Variants in ANO3 observed in about 807,000 individuals in gnomAD.
ANO3 encodes anoctamin-3.
A neutral mutation model predicts 144.8 loss-of-function variants in ANO3; 99 were observed. That is an observed-to-expected ratio of 0.68 (90% CI 0.58 to 0.81). The LOEUF is 0.81. ANO3 is among the 30% of genes least tolerant of loss of function. The probability of loss-of-function intolerance (pLI) is 0.00; values close to 1 mark genes in which losing one functional copy is unlikely to be tolerated. For synonymous variants in ANO3, 414 were observed against 392.6 expected, an observed-to-expected ratio of 1.05 and a Z score of -0.64; for missense variants, 905 against 1,202.2, an observed-to-expected ratio of 0.75 and a Z score of 3.66.
chr11:26,661,751 C>T lies in ANO3; in HGVS notation c.*1307C>T, dbSNP rs183668581. On this transcript the variant is annotated 3_prime_UTR_variant, in exon 27 of 27. Coordinates refer to ENST00000256737, the MANE Select transcript of ANO3 (RefSeq NM_031418.4). ...TTCTATTTCAACGTCAACTCTGTAT[C>T]TATGAGTATGTCTGTTCCACAGACA... is the stretch of plus-strand genomic sequence containing the variant. 7.9e-5 allele frequency: 12 copies of T among 152,082 alleles called. No individual in the cohort carries two copies. In the East Asian group the frequency reaches 2.3e-3, roughly 29 times the overall value. The allele number at this position is 152,082 out of a possible 1,614,324, so 9.4% of individuals were successfully genotyped here. A position where few individuals can be genotyped will look rare whatever the true frequency, so the allele number is the denominator to read the frequency against.
At chr11:26,549,681 T>C (rs1849881049) in intron 12 of ANO3, among the ~76,000 whole-genome samples, 1 of 151,942 alleles carries the variant, frequency 6.6e-6, no homozygotes, top group African/African-American at 2.4e-5. Context: ...TTTACATGTA[T>C]ACACTGGTCT....
chr11:26,455,670 G>A (rs1590375546), intron 3 of ANO3, among the ~76,000 whole-genome samples: 1 of 152,064 alleles, frequency 6.6e-6, no homozygotes, highest in South Asian at 2.1e-4. Flanking sequence ...TAGATTCAAT[G>A]CCATCCCCGT....
intron 1 of ANO3, among the ~76,000 whole-genome samples, chr11:26,334,369 A>G (rs2133891656): frequency 6.6e-6 from 1 of 152,376 alleles, no homozygotes; most frequent in East Asian, 1.9e-4. Context: ...TTCTTCAAAT[A>G]GGAAGAAGCA....
rs563459841 is a variant in ANO3, at chr11:26,655,675, T to A, written c.2577-450T>A. 2.4e-4 allele frequency among the ~76,000 whole-genome samples: 37 copies of A among 152,300 alleles called. No homozygotes were observed. In the South Asian group the frequency reaches 7.5e-3, roughly 31 times the overall value. On this transcript the variant is annotated intron_variant, in intron 24 of 26. Transcript: ENST00000256737. ...TGCCTGTTTTGTTCACTGTTAAGTATCAAGCATCGATAATTTTTCCAGCAA... is the reference window on the plus strand; with the variant it reads ...TGCCTGTTTTGTTCACTGTTAAGTAACAAGCATCGATAATTTTTCCAGCAA...
At chr11:26,271,343 T>A (rs2133836345) in intron 1 of ANO3, among the ~76,000 whole-genome samples, 1 of 152,342 alleles carries the variant, frequency 6.6e-6, no homozygotes, top group Admixed American at 6.5e-5. Flanking sequence ...TGCTGGCACA[T>A]GGCTGAAAGC....
intron 14 of ANO3, among the ~76,000 whole-genome samples, chr11:26,594,467 A>G (rs1054782373): frequency 6.6e-6 from 1 of 152,164 alleles, no homozygotes; most frequent in Non-Finnish European, 1.5e-5. Flanking sequence ...TAAAACATCA[A>G]TATAGCCATC....
At chr11:26,431,187 G>A (rs10767529) in intron 1 of ANO3, among the ~76,000 whole-genome samples, 98,245 of 152,138 alleles carry the variant, frequency 0.65, 34,007 homozygotes, top group Admixed American at 0.79. Flanking sequence ...ATTGTACTGG[G>A]CAGTATAGTG....
chr11:26,509,460 C>T (rs948585400), intron 5 of ANO3, among the ~76,000 whole-genome samples: 2 of 151,906 alleles, frequency 1.3e-5, no homozygotes, highest in African/African-American at 2.4e-5. Context: ...TTACAGGAAC[C>T]GATCACCGTG....
intron 1 of ANO3, among the ~76,000 whole-genome samples, chr11:26,431,256 T>G (rs918140456): frequency 6.6e-6 from 1 of 152,240 alleles, no homozygotes; most frequent in Non-Finnish European, 1.5e-5. Context: ...TGTAGAACTT[T>G]GAAGCCTAAA....
At chr11:26,474,794 A>G (rs563135870) in intron 4 of ANO3, among the ~76,000 whole-genome samples, 1 of 151,978 alleles carries the variant, frequency 6.6e-6, no homozygotes, top group Non-Finnish European at 1.5e-5. Context: ...AGCATAGATA[A>G]TCACTGATAT....
At chr11:26,490,412 C>T (rs1860657977) in intron 4 of ANO3, among the ~76,000 whole-genome samples, 1 of 152,140 alleles carries the variant, frequency 6.6e-6, no homozygotes, top group African/African-American at 2.4e-5. Flanking sequence ...TTATTATAAA[C>T]TCTAGATACC....
intron 1 of ANO3, among the ~76,000 whole-genome samples, chr11:26,378,336 A>G (rs1856471499): frequency 1.3e-5 from 2 of 148,414 alleles, no homozygotes; most frequent in African/African-American, 2.4e-5. Flanking sequence ...TATATTAACT[A>G]TAGATTATAT....
At chr11:26,384,706 A>G (rs182480027) in intron 1 of ANO3, among the ~76,000 whole-genome samples, 311 of 152,152 alleles carry the variant, frequency 2.0e-3, no homozygotes, top group African/African-American at 7.2e-3. Flanking sequence ...AGCCACCACA[A>G]TTTTCACCTA....
At chr11:26,522,044 G>T (rs1862100067) in intron 6 of ANO3, among the ~76,000 whole-genome samples, 1 of 151,840 alleles carries the variant, frequency 6.6e-6, no homozygotes, top group African/African-American at 2.4e-5. Flanking sequence ...ATTAGCCGGG[G>T]GTAGTGGCGG....
intron 17 of ANO3, among the ~76,000 whole-genome samples, chr11:26,600,302 C>CCATCT: frequency 1.6e-5 from 1 of 63,182 alleles, no homozygotes; most frequent in Non-Finnish European, 3.3e-5. Context: ...CCCTTTCCTC[C>CCATCT]CCTCTCCTCT....
chr11:26,369,283 T>TA (rs1206648865), intron 1 of ANO3, among the ~76,000 whole-genome samples: 1 of 152,116 alleles, frequency 6.6e-6, no homozygotes, highest in African/African-American at 2.4e-5. Flanking sequence ...TAGGAACTCT[T>TA]TCAAAATCAA....
chr11:26,560,210 T>TA (rs541613655), intron 14 of ANO3: 28 of 157,826 alleles, frequency 1.8e-4, no homozygotes, highest in South Asian at 1.5e-3. Context: ...GATTGAGCAA[T>TA]AATGTCTAAT....
intron 1 of ANO3, 41 bp downstream of exon 1, chr11:26,332,362 T>G (rs772408350): frequency 6.2e-7 from 1 of 1,601,208 alleles, no homozygotes; most frequent in Non-Finnish European, 8.6e-7. Context: ...CGGGCGTCAC[T>G]TCCCCCCTGC....
At chr11:26,217,325 T>A (rs947475091) in intron 1 of ANO3, among the ~76,000 whole-genome samples, 1 of 151,900 alleles carries the variant, frequency 6.6e-6, no homozygotes, top group Non-Finnish European at 1.5e-5. Flanking sequence ...TTTAAAATCA[T>A]CCCCCCCATC....
Sources: allele counts gnomAD v4.1 joint callset (sites outside exome capture counted in the v4.1 genomes callset), GRCh38; gene constraint gnomAD v4.1.1; transcripts MANE v1.5; gene names NCBI Gene and HGNC (gene_info 2026-07-23, HGNC 2026-07-21).